The following CATSPERE variants were observed in gnomAD, a reference collection of about 807,000 sequenced individuals.
CATSPERE encodes the protein cation channel sperm-associated auxiliary subunit epsilon.
CATSPERE carries 93 observed loss-of-function variants against 114.1 expected under a neutral mutation model. The observed-to-expected ratio is 0.81, with a 90% CI of 0.69 to 0.97. The LOEUF (loss-of-function observed/expected upper bound fraction) is 0.97, where lower values mean the gene tolerates loss of function less well. Ranked by LOEUF, CATSPERE falls within the 50% of genes least tolerant of loss-of-function variation. The pLI, the probability that CATSPERE is intolerant of heterozygous loss-of-function variation, is 0.00. For synonymous variants in CATSPERE, 341 were observed against 384.1 expected (o/e 0.89, Z 1.31); for missense variants, 1,058 against 1,131.6 (o/e 0.93, Z 0.93).
chr1:244,569,298 C>T (rs1361155138), intron 10 of CATSPERE, among the ~76,000 whole-genome samples: 1 of 152,214 alleles, frequency 6.6e-6, no homozygotes, highest in African/African-American at 2.4e-5. Context: ...TGAGCTAAAC[C>T]TCAGTTGGAA....
chr1:244,478,920 C>A (rs1167699047), intron 4 of CATSPERE, among the ~76,000 whole-genome samples: 1 of 146,286 alleles, frequency 6.8e-6, no homozygotes, highest in Non-Finnish European at 1.5e-5. Context: ...CCCAGCTACT[C>A]AGGAGGCTGA....
chr1:244,510,989 G>A lies in CATSPERE; in HGVS notation c.430-7603G>A, dbSNP rs3003299. Reference sequence around the variant, plus strand: ...CTCCCGAGTAGCTGGGATTATAGGCGCCCACCAGCACACCTGGCTAATTTT... The same window carrying A: ...CTCCCGAGTAGCTGGGATTATAGGCACCCACCAGCACACCTGGCTAATTTT... On this transcript the variant is annotated intron_variant, in intron 7 of 21. Transcript: ENST00000366534. Among the ~76,000 whole-genome samples, 1,089 of 151,172 alleles carry A rather than the reference G, an allele frequency of 7.2e-3. 13 individuals are homozygous for A. The highest frequency in any genetic ancestry group is 0.024 in the African/African-American group (1,008 of 41,208).
intron 8 of CATSPERE, among the ~76,000 whole-genome samples, chr1:244,524,117 A>G (rs897048521): frequency 2.2e-4 from 34 of 151,276 alleles, no homozygotes; most frequent in Admixed American, 1.5e-3. Context: ...CCAAAACAGC[A>G]TGGTATTGGT....
rs558360823 is a variant in CATSPERE at position 244,490,619 on chromosome 1, C to G, written c.351+148C>G. The G allele has an allele frequency of 4.0e-5, 21 of 524,358 alleles. 1 individual carries two copies. In the East Asian group the frequency reaches 6.5e-4, roughly 16 times the overall value. 32.5% of individuals were successfully genotyped at this position (524,358 alleles called of 1,614,324 possible). ...AGTATACCTTTCTATAAGACCCATT[C>G]AGGAGGTCCATGAGGTTCACCCTTT... On this transcript the variant is annotated intron_variant, in intron 6 of 21. Transcript: ENST00000366534.
rs115757993 is a variant in CATSPERE at position 244,598,729 on chromosome 1, G to A, written c.2303+5151G>A. 5.6e-3 allele frequency: 966 copies of A among 171,446 alleles called. 9 individuals are homozygous for A. Among genetic ancestry groups the A allele is most frequent in the African/African-American group, 0.02 (863 of 42,132 alleles). 10.6% of individuals were successfully genotyped at this position (171,446 alleles called of 1,614,324 possible). A position where few individuals can be genotyped will look rare whatever the true frequency, so the allele number is the denominator to read the frequency against. On this transcript the variant is annotated intron_variant, in intron 17 of 21. Coordinates refer to ENST00000366534, the MANE Select transcript of CATSPERE (RefSeq NM_001130957.2). ...TGTTGCTCGCACTACAAAGGTTCCC[G>A]CTCAGAAGCTTGACATCTGGCTCTC... is the stretch of plus-strand genomic sequence containing the variant.
At chr1:244,516,479 C>A (rs1049750464) in intron 7 of CATSPERE, among the ~76,000 whole-genome samples, 5 of 151,756 alleles carry the variant, frequency 3.3e-5, no homozygotes, top group Non-Finnish European at 7.4e-5. Context: ...TCCTGAGTAG[C>A]TGGGACTACA....
intron 6 of CATSPERE, among the ~76,000 whole-genome samples, chr1:244,495,540 G>A (rs1380351052): frequency 6.6e-6 from 1 of 152,020 alleles, no homozygotes; most frequent in Non-Finnish European, 1.5e-5. Flanking sequence ...GGCCAACACA[G>A]TGAAACCCAG....
chr1:244,630,881 T>C (rs1673857093), intron 20 of CATSPERE, among the ~76,000 whole-genome samples: 1 of 152,132 alleles, frequency 6.6e-6, no homozygotes, highest in Admixed American at 6.5e-5. Context: ...CTCAACTTCA[T>C]TTAATGCATT....
At chr1:244,524,423 C>G (rs1411756231) in intron 8 of CATSPERE, among the ~76,000 whole-genome samples, 1 of 150,256 alleles carries the variant, frequency 6.7e-6, no homozygotes, top group African/African-American at 2.5e-5. Context: ...AGGACATAGG[C>G]GTGGGCAAGG....
chr1:244,596,684 C>T (rs1668474469), intron 17 of CATSPERE, among the ~76,000 whole-genome samples: 1 of 151,558 alleles, frequency 6.6e-6, no homozygotes, highest in Admixed American at 6.6e-5. Context: ...TAGATGATGG[C>T]TTGATAGGCG....
At chr1:244,627,459 C>G (rs1673350620) in intron 20 of CATSPERE, among the ~76,000 whole-genome samples, 1 of 151,914 alleles carries the variant, frequency 6.6e-6, no homozygotes, top group African/African-American at 2.4e-5. Flanking sequence ...GTCGGTAGTC[C>G]TAGCTACTCA....
At chr1:244,563,378 C>T (rs1175347009) in intron 10 of CATSPERE, among the ~76,000 whole-genome samples, 1 of 152,204 alleles carries the variant, frequency 6.6e-6, no homozygotes. Context: ...TACACTGCTA[C>T]CAACAGTGTA....
chr1:244,489,464 T>A (rs1263235063), intron 5 of CATSPERE, among the ~76,000 whole-genome samples: 2 of 146,674 alleles, frequency 1.4e-5, no homozygotes, highest in Non-Finnish European at 3.0e-5. Flanking sequence ...TTTTTTTTTT[T>A]TTTTTTTTTT....
intron 13 of CATSPERE, among the ~76,000 whole-genome samples, chr1:244,584,273 C>G (rs551818252): frequency 1.3e-5 from 2 of 152,162 alleles, no homozygotes; most frequent in South Asian, 4.1e-4. Flanking sequence ...GGTACCTTCC[C>G]TAGAGGTAAA....
At chr1:244,579,383 A>G (rs1665833088) in intron 11 of CATSPERE, among the ~76,000 whole-genome samples, 2 of 152,222 alleles carry the variant, frequency 1.3e-5, no homozygotes, top group Admixed American at 1.3e-4. Flanking sequence ...GTAGATCTGT[A>G]TATATTTTAT....
At chr1:244,454,271 C>A (rs1665916517), upstream of CATSPERE, 1 of 152,140 alleles carries the variant, frequency 6.6e-6, no homozygotes, top group Non-Finnish European at 1.5e-5. Flanking sequence ...TCCCTCCCCA[C>A]CTGGAGTGGA....
At chr1:244,610,137 T>G (rs1054582240) in intron 18 of CATSPERE, 103 bp from the exon 19 acceptor site, 1 of 734,778 alleles carries the variant, frequency 1.4e-6, no homozygotes, top group African/African-American at 1.8e-5. Flanking sequence ...AATGTAAGTT[T>G]TAAAAATACA....
intron 7 of CATSPERE, among the ~76,000 whole-genome samples, chr1:244,517,815 G>A (rs1489113195): frequency 6.6e-6 from 1 of 151,386 alleles, no homozygotes. Context: ...TTCAGGAAAG[G>A]CCTTCCCTGA....
chr1:244,474,918 A>AT (rs1443664871), intron 2 of CATSPERE, among the ~76,000 whole-genome samples: 1 of 151,102 alleles, frequency 6.6e-6, no homozygotes, highest in Non-Finnish European at 1.5e-5. Flanking sequence ...TAATTTTTTA[A>AT]TTTTTTATAG....
Sources: gnomAD v4.1 joint callset for allele counts (sites outside exome capture counted in the v4.1 genomes callset) on GRCh38, gnomAD v4.1.1 for gene constraint, MANE v1.5 for transcripts, NCBI Gene and HGNC (gene_info 2026-07-23, HGNC 2026-07-21) for gene names.